TSPAN10: variants seen among roughly 807,000 people sequenced by gnomAD.
TSPAN10 encodes tetraspanin-10.
Under a neutral mutation model 15.0 loss-of-function variants are expected in TSPAN10, and 11 were observed. That is an observed-to-expected ratio of 0.73 (90% CI 0.46 to 1.21). TSPAN10 has a LOEUF of 1.21. Ranked by LOEUF, TSPAN10 falls within the 50% of genes most tolerant of loss-of-function variation. The pLI, the probability that TSPAN10 is intolerant of heterozygous loss-of-function variation, is 0.00. For missense variants in TSPAN10, 486 were observed against 470.6 expected (o/e 1.03, Z -0.30); for synonymous variants, 241 against 226.2 (o/e 1.07, Z -0.59).
At chr17:81,637,526 C>A (rs188886543), upstream of TSPAN10, 3 of 619,694 alleles carry the variant, frequency 4.8e-6, no homozygotes, top group Admixed American at 7.3e-5. Flanking sequence ...AGGCCGGGCG[C>A]GGTGGCTCAT....
intron 1 of TSPAN10, 25 bp from the exon 3 acceptor site, chr17:81,644,967 C>T (rs1568179548): frequency 1.9e-6 from 3 of 1,607,926 alleles, no homozygotes; most frequent in South Asian, 1.1e-5. Context: ...AATGCGGTCT[C>T]ACCCTGTTCC....
chr17:81,640,533 C>T (rs2036168966), upstream of TSPAN10, among the ~76,000 whole-genome samples: 3 of 152,166 alleles, frequency 2.0e-5, no homozygotes, highest in African/African-American at 7.2e-5. Context: ...ACTGCAACCT[C>T]TGCCTCCTGG....
upstream of TSPAN10, among the ~76,000 whole-genome samples, chr17:81,641,772 G>T (rs112096346): frequency 8.5e-3 from 1,287 of 152,154 alleles, 28 homozygotes; most frequent in African/African-American, 0.03. Context: ...TCAAAAATGA[G>T]TGAGGCAAGG....
chr17:81,642,042 G>A (rs1415917617), upstream of TSPAN10, among the ~76,000 whole-genome samples: 5 of 151,176 alleles, frequency 3.3e-5, no homozygotes, highest in South Asian at 2.1e-4. Flanking sequence ...CTGATGGAGC[G>A]GCTGCTGACC....
At chr17:81,642,331 C>A, upstream of TSPAN10, 1 of 1,556,142 alleles carries the variant, frequency 6.4e-7, no homozygotes, top group Non-Finnish European at 8.9e-7. Flanking sequence ...GCAGTCAGGA[C>A]CAGCCCAGCA....
chr17:81,639,099 G>T (rs901174404), upstream of TSPAN10: 3 of 151,670 alleles, frequency 2.0e-5, no homozygotes, highest in Non-Finnish European at 4.4e-5. Context: ...AGCAAGATGG[G>T]TTCAGTTAAG....
upstream of TSPAN10, chr17:81,642,167 T>C: frequency 2.0e-6 from 1 of 502,368 alleles, no homozygotes; most frequent in Non-Finnish European, 3.6e-6. Context: ...GAGCCAGGGC[T>C]GGGGAGAAAT....
exon 2 of TSPAN10, chr17:81,645,493 G>C (rs774843308): frequency 1.9e-6 from 3 of 1,583,546 alleles, no homozygotes; most frequent in Non-Finnish European, 1.7e-6. Context: ...CCCGCTGCAA[G>C]ACAGCCTGGA....
chr17:81,637,265 C>G (rs2036112811), exon 1 of TSPAN10: 2 of 535,778 alleles, frequency 3.7e-6, no homozygotes, highest in South Asian at 4.6e-5. Flanking sequence ...TCTGCTCGTC[C>G]TCGGAAACCC....
chr17:81,642,857 A>T (rs966511581), intron 1 of TSPAN10, among the ~76,000 whole-genome samples: 1 of 151,954 alleles, frequency 6.6e-6, no homozygotes, highest in African/African-American at 2.4e-5. Context: ...GGTGATAAAT[A>T]ACCCTCCTCT....
chr17:81,648,613 C>T (rs2036294542), downstream of TSPAN10: 3 of 237,294 alleles, frequency 1.3e-5, no homozygotes, highest in African/African-American at 2.3e-5. Context: ...CACCTCCCTC[C>T]CCTGGGGCCG....
upstream of TSPAN10, among the ~76,000 whole-genome samples, chr17:81,641,195 C>A (rs1026465496): frequency 6.6e-6 from 1 of 151,940 alleles, no homozygotes. Context: ...ATCCTTAGAA[C>A]AGACTGAGTT....
intron 2 of TSPAN10, 114 bp downstream of exon 3, chr17:81,645,743 A>C: frequency 7.6e-7 from 1 of 1,315,124 alleles, no homozygotes. Context: ...GCATGCCCAC[A>C]TGCATGCACA....
chr17:81,645,062 G>A (rs2036225738), exon 2 of TSPAN10: 4 of 1,598,384 alleles, frequency 2.5e-6, no homozygotes, highest in Admixed American at 1.8e-5. Context: ...CCAGTGCCCA[G>A]GGAGGACCAG....
At chr17:81,642,421 G>T in exon 1 of TSPAN10, 2 of 1,613,188 alleles carry the variant, frequency 1.2e-6, no homozygotes, top group South Asian at 1.1e-5. Flanking sequence ...GGATGGAGGA[G>T]GGGGAGAGGA....
In TSPAN10 at chr17:81,645,398, G is replaced by A. The variant is rs373337416; in HGVS notation, c.443G>A (p.Cys148Tyr). The stretch of plus-strand genomic sequence containing the variant: ...CTGGGCGCCCTCTGTGAGAACACCT[G>A]CCTGTTACGTGGCTTCTCTGGGGGC... Residue 148 changes from cysteine (C) to tyrosine (Y), a missense_variant, in exon 2 of 3, where the codon TGC becomes TAC. Coordinates refer to ENST00000611590, the Ensembl canonical transcript of TSPAN10. 6.2e-6 allele frequency: 10 copies of A among 1,602,818 alleles called. No individual in the cohort carries two copies. In the African/African-American group the frequency reaches 1.1e-4, roughly 17 times the overall value.
chr17:81,637,273 C>T (rs763963595), exon 1 of TSPAN10: 24 of 549,308 alleles, frequency 4.4e-5, no homozygotes, highest in Non-Finnish European at 6.6e-5. Flanking sequence ...TCCTCGGAAA[C>T]CCAAGCGGCA....
chr17:81,639,452 C>T (rs2036157061), upstream of TSPAN10, among the ~76,000 whole-genome samples: 1 of 151,698 alleles, frequency 6.6e-6, no homozygotes, highest in African/African-American at 2.4e-5. Context: ...GTGATCCACC[C>T]GCCTCAGCCT....
exon 2 of TSPAN10, chr17:81,645,154 C>T (rs779356943): frequency 3.6e-5 from 56 of 1,563,784 alleles, no homozygotes; most frequent in Non-Finnish European, 4.5e-5. Context: ...AGGACCAGCC[C>T]CTTCCCTCTC....
Sources: allele counts gnomAD v4.1 joint callset (sites outside exome capture counted in the v4.1 genomes callset), GRCh38; gene constraint gnomAD v4.1.1; transcripts MANE v1.5; gene names NCBI Gene and HGNC (gene_info 2026-07-23, HGNC 2026-07-21).